The following MINPP1 variants were observed in gnomAD, a reference collection of about 807,000 sequenced individuals.
The protein encoded by MINPP1 is multiple inositol-polyphosphate phosphatase 1.
MINPP1 carries 28 observed loss-of-function variants against 46.1 expected under a neutral mutation model. The observed-to-expected ratio is 0.61, with a 90% confidence interval of 0.45 to 0.83. The LOEUF (loss-of-function observed/expected upper bound fraction) is 0.83. MINPP1 is among the 40% of genes least tolerant of loss of function. The pLI, the probability that MINPP1 is intolerant of heterozygous loss-of-function variation, is 0.00. For missense variants in MINPP1, 603 were observed against 610.0 expected, an observed-to-expected ratio of 0.99 and a Z score of 0.12; for synonymous variants, 268 against 249.1, an observed-to-expected ratio of 1.08 and a Z score of -0.72.
At chr10:87,520,098 T>C (rs901510265) in intron 3 of MINPP1, among the ~76,000 whole-genome samples, 1 of 104,244 alleles carries the variant, frequency 9.6e-6, no homozygotes, top group Non-Finnish European at 1.9e-5. Context: ...AATGGTATTA[T>C]AGGGTATGTA....
chr10:87,552,076 T>C lies in MINPP1; in HGVS notation c.1068-6T>C. 1 of 1,607,490 alleles carries C rather than the reference T, an allele frequency of 6.2e-7. No homozygotes were observed. The highest frequency in any genetic ancestry group is 1.3e-5 in the African/African-American group (1 of 74,670). On this transcript the variant is annotated splice_region_variant and splice_polypyrimidine_tract_variant and intron_variant, in intron 4 of 4. Coordinates refer to ENST00000371996, the MANE Select transcript of MINPP1 (RefSeq NM_004897.5). ...TACCTTATTTTCTCTTAATTTCTAT[T>C]TGAAGGTCTCAGCCAATTTCTTCTC... is the stretch of plus-strand genomic sequence containing the variant.
rs1327781109 is a variant in MINPP1 at position 87,504,922 on chromosome 10, C to A, written c.7C>A (p.Arg3Ser). The stretch of plus-strand genomic sequence containing the variant: ...TCCACTGACCGTCCCGACGATGCTA[C>A]GCGCGCCCGGCTGCCTCCTCCGGAC... The part of the protein sequence containing the change: ML[R>S]APGCLLRTSV... The change falls in exon 1 of 5, where the codon CGC becomes AGC. Residue 3 changes from arginine to serine, a missense_variant. Arg to Ser is a moderately radical substitution (Grantham distance 110). Coordinates refer to ENST00000371996, the MANE Select transcript of MINPP1 (RefSeq NM_004897.5). The A allele has an allele frequency of 6.2e-7, 1 of 1,610,564 alleles. No homozygotes were observed. The highest frequency in any genetic ancestry group is 1.7e-5 in the Admixed American group (1 of 59,896).
At chr10:87,548,514 C>G (rs1430329973) in intron 4 of MINPP1, among the ~76,000 whole-genome samples, 1 of 152,048 alleles carries the variant, frequency 6.6e-6, no homozygotes, top group South Asian at 2.1e-4. Flanking sequence ...CATCAGCTAG[C>G]GGCTTTTTCT....
chr10:87,533,816 C>A (rs1366704764), intron 4 of MINPP1, among the ~76,000 whole-genome samples: 1 of 151,928 alleles, frequency 6.6e-6, no homozygotes, highest in Admixed American at 6.6e-5. Flanking sequence ...CGTAAGATGG[C>A]AGCATTGAGA....
chr10:87,525,711 G>A (rs1023140130), intron 4 of MINPP1, among the ~76,000 whole-genome samples: 3 of 151,728 alleles, frequency 2.0e-5, no homozygotes, highest in Admixed American at 1.3e-4. Flanking sequence ...CCTACCCCAC[G>A]ACAGGCCCAC....
At chr10:87,515,028 T>C (rs548827987) in intron 3 of MINPP1, among the ~76,000 whole-genome samples, 104 of 152,130 alleles carry the variant, frequency 6.8e-4, no homozygotes, top group Admixed American at 1.2e-3. Context: ...TGATGTTTGA[T>C]CATTAGATTA....
intron 4 of MINPP1, among the ~76,000 whole-genome samples, chr10:87,550,980 T>C (rs1851954526): frequency 6.6e-6 from 1 of 152,086 alleles, no homozygotes; most frequent in Non-Finnish European, 1.5e-5. Context: ...TTCCAGTGAA[T>C]ACCTGTGGGC....
intron 4 of MINPP1, among the ~76,000 whole-genome samples, chr10:87,532,947 G>T: frequency 6.7e-6 from 1 of 149,748 alleles, no homozygotes; most frequent in East Asian, 1.9e-4. Flanking sequence ...GTTTATCTTT[G>T]TGTTTTTCCT....
chr10:87,535,226 C>G (rs1439048708), intron 4 of MINPP1, among the ~76,000 whole-genome samples: 3 of 152,190 alleles, frequency 2.0e-5, no homozygotes, highest in Non-Finnish European at 4.4e-5. Flanking sequence ...AATCCTTGTT[C>G]AGCGTTTCCT....
chr10:87,537,983 T>C (rs968573555), intron 4 of MINPP1, among the ~76,000 whole-genome samples: 5 of 151,902 alleles, frequency 3.3e-5, no homozygotes, highest in African/African-American at 1.2e-4. Context: ...ATTTATTTAT[T>C]TATTTTTATT....
rs1851360270 is a variant in MINPP1 at position 87,513,153 on chromosome 10, T to C, written c.865T>C (p.Ser289Pro). The C allele has an allele frequency of 1.9e-6, 3 of 1,613,878 alleles. No homozygotes were observed. The highest frequency in any genetic ancestry group is 2.5e-6 in the Non-Finnish European group (3 of 1,179,842). The change falls in exon 3 of 5, where the codon TCA (serine) becomes CCA (proline). Residue 289 changes from serine (S) to proline (P), a missense_variant. Physicochemically the swap from Ser to Pro is moderately conservative, Grantham distance 74. Transcript: ENST00000371996. ...AATTCAAGTAGCCTTTTTCACCTGT[T>C]CATTTGACCTGGCAATTAAAGGTGT... ...DLIQVAFFTC[S>P]FDLAIKGVKS... is the part of the protein sequence containing the mutation.
chr10:87,544,256 G>A (rs1400576811), intron 4 of MINPP1, among the ~76,000 whole-genome samples: 4 of 152,114 alleles, frequency 2.6e-5, no homozygotes, highest in African/African-American at 4.8e-5. Context: ...ATATTACAGA[G>A]GATACAAATG....
At chr10:87,550,317 A>G (rs1851944735) in intron 4 of MINPP1, among the ~76,000 whole-genome samples, 1 of 152,206 alleles carries the variant, frequency 6.6e-6, no homozygotes, top group African/African-American at 2.4e-5. Context: ...CTTCTTGGAA[A>G]TAAATACAGG....
At chr10:87,538,509 C>T (rs985140427) in intron 4 of MINPP1, among the ~76,000 whole-genome samples, 4 of 152,156 alleles carry the variant, frequency 2.6e-5, no homozygotes, top group African/African-American at 9.7e-5. Context: ...CCTATTACTC[C>T]GTCTTGACTG....
chr10:87,530,003 T>G (rs1168404779), intron 4 of MINPP1, among the ~76,000 whole-genome samples: 1 of 152,254 alleles, frequency 6.6e-6, no homozygotes, highest in African/African-American at 2.4e-5. Context: ...AATCGGCTAC[T>G]GAAGCTTGTG....
chr10:87,542,191 T>C (rs1851824726), intron 4 of MINPP1, among the ~76,000 whole-genome samples: 1 of 152,186 alleles, frequency 6.6e-6, no homozygotes, highest in Admixed American at 6.5e-5. Context: ...TACAGACATT[T>C]GGTATACCTC....
At chr10:87,513,410 G>A (rs1355358307) in intron 3 of MINPP1, among the ~76,000 whole-genome samples, 189 bp downstream of exon 3, 4 of 152,060 alleles carry the variant, frequency 2.6e-5, no homozygotes, top group Admixed American at 6.5e-5. Context: ...CCACCTACTT[G>A]TAAATAGTTT....
chr10:87,518,151 G>T (rs1187505942), intron 3 of MINPP1, among the ~76,000 whole-genome samples: 10 of 151,600 alleles, frequency 6.6e-5, no homozygotes, highest in African/African-American at 2.2e-4. Context: ...AGTAGAGACG[G>T]GGTTTCACCC....
chr10:87,551,241 C>T (rs1851958870), intron 4 of MINPP1, among the ~76,000 whole-genome samples: 1 of 151,898 alleles, frequency 6.6e-6, no homozygotes, highest in Non-Finnish European at 1.5e-5. Context: ...CTTCTATCCT[C>T]CCAGAAAATC....
Sources: allele counts gnomAD v4.1 joint callset (sites outside exome capture counted in the v4.1 genomes callset), GRCh38; gene constraint gnomAD v4.1.1; transcripts MANE v1.5; gene names NCBI Gene and HGNC (gene_info 2026-07-23, HGNC 2026-07-21).